KCNH8: variants seen among roughly 807,000 people sequenced by gnomAD.
The protein encoded by KCNH8 is voltage-gated delayed rectifier potassium channel KCNH8.
Under a neutral mutation model 103.6 loss-of-function variants are expected in KCNH8, and 70 were observed. That is an observed-to-expected ratio of 0.68 (90% CI 0.56 to 0.82). The LOEUF is 0.82. KCNH8 is among the 40% of genes least tolerant of loss of function. The pLI is 0.00. For missense variants in KCNH8, 1,217 were observed against 1,329.9 expected (o/e 0.92, Z 1.32); for synonymous variants, 498 against 489.4 (o/e 1.02, Z -0.23).
At chr3:19,207,922 G>T (rs1399019575) in intron 1 of KCNH8, among the ~76,000 whole-genome samples, 2 of 151,918 alleles carry the variant, frequency 1.3e-5, no homozygotes, top group Admixed American at 6.6e-5. Context: ...ATGTTTTCTT[G>T]TGTGAAATTT....
intron 7 of KCNH8, 142 bp from the exon 8 acceptor site, chr3:19,438,022 C>T (rs2067226505): frequency 1.6e-5 from 11 of 691,480 alleles, no homozygotes; most frequent in Non-Finnish European, 2.5e-5. Context: ...AATCTAATAG[C>T]TTGCCTTTAA....
intron 1 of KCNH8, among the ~76,000 whole-genome samples, chr3:19,190,515 A>G (rs1451735844): frequency 3.3e-5 from 5 of 152,054 alleles, no homozygotes; most frequent in Non-Finnish European, 2.9e-5. Context: ...TTGATGAGTT[A>G]TAAGGAATAA....
intron 11 of KCNH8, among the ~76,000 whole-genome samples, chr3:19,462,065 A>C (rs2067642125): frequency 6.6e-6 from 1 of 152,168 alleles, no homozygotes; most frequent in African/African-American, 2.4e-5. Flanking sequence ...GGTTGGTTCC[A>C]AGTCTTTGCT....
intron 14 of KCNH8, among the ~76,000 whole-genome samples, chr3:19,517,546 GGATATCAGTATCT>G (rs1302496964): frequency 2.2e-4 from 34 of 151,994 alleles, no homozygotes; most frequent in Admixed American, 2.1e-3. Context: ...AACCTGCAGT[GGATATCAGTATCT>G]GATATATATG....
intron 3 of KCNH8, among the ~76,000 whole-genome samples, chr3:19,305,661 T>G (rs1232868140): frequency 5.3e-5 from 8 of 152,070 alleles, no homozygotes; most frequent in Non-Finnish European, 2.9e-5. Flanking sequence ...AGAGTAGTGT[T>G]AGTAGCAATA....
intron 15 of KCNH8, among the ~76,000 whole-genome samples, chr3:19,531,982 T>C (rs996989981): frequency 1.3e-5 from 2 of 152,218 alleles, no homozygotes; most frequent in African/African-American, 4.8e-5. Flanking sequence ...ATTATGTTAG[T>C]ATTATGAATC....
At chr3:19,176,019 C>T (rs761029165) in intron 1 of KCNH8, among the ~76,000 whole-genome samples, 6 of 152,072 alleles carry the variant, frequency 3.9e-5, no homozygotes, top group Non-Finnish European at 5.9e-5. Flanking sequence ...ATAATGCATA[C>T]CAAAATGATA....
intron 2 of KCNH8, among the ~76,000 whole-genome samples, chr3:19,254,504 T>G (rs959125704): frequency 5.3e-5 from 8 of 152,138 alleles, no homozygotes; most frequent in African/African-American, 1.9e-4. Context: ...GGTCTTTTCT[T>G]GTGGCTGCAG....
intron 5 of KCNH8, among the ~76,000 whole-genome samples, chr3:19,373,760 C>T (rs1357203840): frequency 6.6e-6 from 1 of 151,472 alleles, no homozygotes; most frequent in Non-Finnish European, 1.5e-5. Flanking sequence ...CTATAAATTT[C>T]CCTCTACACA....
intron 6 of KCNH8, among the ~76,000 whole-genome samples, chr3:19,392,557 T>C (rs2066455025): frequency 1.3e-5 from 2 of 152,000 alleles, no homozygotes; most frequent in African/African-American, 4.8e-5. Flanking sequence ...TTATGAGTTA[T>C]GCTCTTTTAC....
intron 1 of KCNH8, among the ~76,000 whole-genome samples, chr3:19,184,475 T>G (rs977171965): frequency 6.6e-6 from 1 of 152,022 alleles, no homozygotes; most frequent in Non-Finnish European, 1.5e-5. Context: ...TATATGTAAT[T>G]TTTCTAATTT....
intron 4 of KCNH8, 104 bp downstream of exon 4, chr3:19,342,818 A>T: frequency 8.5e-7 from 1 of 1,181,052 alleles, no homozygotes; most frequent in Non-Finnish European, 1.2e-6. Flanking sequence ...GCTTGCCTAG[A>T]TTTTTTTTTC....
intron 1 of KCNH8, among the ~76,000 whole-genome samples, chr3:19,171,227 G>A (rs1575411979): frequency 6.6e-6 from 1 of 152,042 alleles, no homozygotes; most frequent in East Asian, 1.9e-4. Flanking sequence ...AGCAATATGA[G>A]TAATTTCTTT....
At chr3:19,254,941 T>C (rs1253841291) in intron 2 of KCNH8, among the ~76,000 whole-genome samples, 1 of 152,114 alleles carries the variant, frequency 6.6e-6, no homozygotes, top group African/African-American at 2.4e-5. Flanking sequence ...CCCTTTCCCA[T>C]GGTGTGGACA....
At chr3:19,170,584 C>CTATATATA (rs113772694) in intron 1 of KCNH8, among the ~76,000 whole-genome samples, 1,492 of 113,968 alleles carry the variant, frequency 0.013, 37 homozygotes, top group African/African-American at 0.044. Flanking sequence ...CTTGGGGCAT[C>CTATATATA]TATATATATA....
intron 11 of KCNH8, among the ~76,000 whole-genome samples, chr3:19,494,921 G>C (rs962503835): frequency 5.9e-5 from 9 of 152,144 alleles, no homozygotes; most frequent in African/African-American, 2.2e-4. Context: ...TTTCATTGTG[G>C]ATTTGATTTG....
chr3:19,498,698 C>A (rs886903884), intron 11 of KCNH8, among the ~76,000 whole-genome samples: 1 of 152,128 alleles, frequency 6.6e-6, no homozygotes, highest in African/African-American at 2.4e-5. Context: ...GTTTTTTCCC[C>A]ATCTTTGTGG....
intron 13 of KCNH8, 90 bp downstream of exon 13, chr3:19,513,415 A>G: frequency 6.8e-7 from 1 of 1,464,216 alleles, no homozygotes; most frequent in African/African-American, 1.4e-5. Flanking sequence ...GAGCCTTTCT[A>G]CTCCACAGAT....
At chr3:19,302,828 C>G (rs2065080758) in intron 3 of KCNH8, among the ~76,000 whole-genome samples, 1 of 152,164 alleles carries the variant, frequency 6.6e-6, no homozygotes, top group South Asian at 2.1e-4. Flanking sequence ...TATGTCTCGT[C>G]ACTACTGAGT....
Sources: gnomAD v4.1 joint callset for allele counts (sites outside exome capture counted in the v4.1 genomes callset) on GRCh38, gnomAD v4.1.1 for gene constraint, MANE v1.5 for transcripts, NCBI Gene and HGNC (gene_info 2026-07-23, HGNC 2026-07-21) for gene names.